The following MSR1 variants were observed in gnomAD, a reference collection of about 807,000 sequenced individuals.
MSR1 encodes macrophage scavenger receptor 1, also known as macrophage scavenger receptor types I and II.
MSR1 carries 53 observed loss-of-function variants against 47.2 expected under a neutral mutation model. The observed-to-expected ratio is 1.12, with a 90% CI of 0.90 to 1.41. The LOEUF is 1.41. Among genes scored for constraint, MSR1 ranks in the 40% most tolerant of loss-of-function variants. The probability of loss-of-function intolerance (pLI) is 0.00; values close to 1 mark genes in which losing one functional copy is unlikely to be tolerated. For missense variants in MSR1, 786 were observed against 546.9 expected (o/e 1.44, Z -4.36); for synonymous variants, 239 against 185.6 (o/e 1.29, Z -2.34).
intron 8 of MSR1, among the ~76,000 whole-genome samples, chr8:16,123,364 G>A (rs1056116468): frequency 2.0e-5 from 3 of 152,134 alleles, no homozygotes; most frequent in East Asian, 1.9e-4. Context: ...TTTTGGTGAT[G>A]TAGAAAAGTT....
rs769317482 is a variant in MSR1 at position 16,120,588 on chromosome 8, C to T, written c.1052G>A (p.Arg351Gln). 1.3e-6 allele frequency: 2 copies of T among 1,585,594 alleles called. No homozygotes were observed. The highest frequency in any genetic ancestry group is 3.1e-5 in the African/African-American group (2 of 64,974). Reference protein sequence around the residue: ...GNTLTPFTKVRLVGGSGPHEG... With the variant: ...GNTLTPFTKVQLVGGSGPHEG... ...GTGAGGGCCGCTCCCACCGACCAGT[C>T]GAACTTTCGTAAATGGAGCTGTAAA... Residue 351 changes from arginine (R) to glutamine (Q), a missense_variant, in exon 9 of 10, where the codon CGA becomes CAA. By Grantham distance (43) the Arg-to-Gln change is conservative. Transcript: ENST00000262101.
intron 5 of MSR1, 99 bp downstream of exon 5, chr8:16,163,965 AT>A: frequency 1.0e-6 from 1 of 961,590 alleles, no homozygotes; most frequent in Non-Finnish European, 1.5e-6. Flanking sequence ...CTCAGAAACT[AT>A]TTATTTCAAA....
At chr8:16,175,947 A>G (rs34116352) in intron 2 of MSR1, among the ~76,000 whole-genome samples, 7,300 of 152,258 alleles carry the variant, frequency 0.048, 516 homozygotes, top group African/African-American at 0.15. Context: ...ATTCATATGC[A>G]TTTATATGGC....
chr8:16,108,478 A>T lies in MSR1; in HGVS notation c.*1607T>A, dbSNP rs1030145381. ...CAGAGGCACTGATCTCAGACATCCC[A>T]AACAGGCTGATAATGCAAATGATTC... On this transcript the variant is annotated 3_prime_UTR_variant, in exon 10 of 10. Transcript: ENST00000262101. 4 of 152,122 alleles carry T rather than the reference A, an allele frequency of 2.6e-5. No homozygotes were observed. The highest frequency in any genetic ancestry group is 9.7e-5 in the African/African-American group (4 of 41,440). The allele number at this position is 152,122 out of a possible 1,614,324, so 9.4% of individuals were successfully genotyped here.
Position 16,109,935 on chromosome 8 carries a change from G to A in MSR1, c.*150C>T. On this transcript the variant is annotated 3_prime_UTR_variant, in exon 10 of 10. Coordinates refer to ENST00000262101, the MANE Select transcript of MSR1 (RefSeq NM_138715.3). ...ATAGACATAAAATAGTAAGCATGAAGGTGTTCAATATATTAATCCTGTAAT... is the reference window on the plus strand; with the variant it reads ...ATAGACATAAAATAGTAAGCATGAAAGTGTTCAATATATTAATCCTGTAAT... 1 of 853,898 alleles carries A rather than the reference G, an allele frequency of 1.2e-6. No individual in the cohort carries two copies. Among genetic ancestry groups the A allele is most frequent in the South Asian group, 1.6e-5 (1 of 63,550 alleles). 52.9% of individuals were successfully genotyped at this position (853,898 alleles called of 1,614,324 possible). A position where few individuals can be genotyped will look rare whatever the true frequency, so the allele number is the denominator to read the frequency against.
chr8:16,138,463 G>A (rs1338716450), intron 8 of MSR1, among the ~76,000 whole-genome samples: 1 of 152,110 alleles, frequency 6.6e-6, no homozygotes, highest in African/African-American at 2.4e-5. Context: ...ATTTGAACAG[G>A]GCATTCAGCA....
chr8:16,171,631 C>G (rs1226423240), intron 3 of MSR1, among the ~76,000 whole-genome samples: 1 of 152,076 alleles, frequency 6.6e-6, no homozygotes, highest in Non-Finnish European at 1.5e-5. Context: ...GCTTGAGTTA[C>G]TCTGGGAATA....
At chr8:16,180,315 T>A (rs1000728921) in intron 1 of MSR1, among the ~76,000 whole-genome samples, 1 of 152,128 alleles carries the variant, frequency 6.6e-6, no homozygotes, top group African/African-American at 2.4e-5. Flanking sequence ...CTGTGTCTCT[T>A]TAACATGTAT....
chr8:16,189,742 A>T (rs1802138649), intron 1 of MSR1, among the ~76,000 whole-genome samples: 1 of 115,886 alleles, frequency 8.6e-6, no homozygotes, highest in South Asian at 2.5e-4. Flanking sequence ...TATATATATA[A>T]AATCTTATTT....
chr8:16,180,221 T>G (rs1303446519), intron 1 of MSR1, among the ~76,000 whole-genome samples: 1 of 151,990 alleles, frequency 6.6e-6, no homozygotes, highest in Non-Finnish European at 1.5e-5. Context: ...CATTTTACAT[T>G]GGCAGCCATA....
chr8:16,181,730 A>G (rs1801838362), intron 1 of MSR1, among the ~76,000 whole-genome samples: 1 of 151,972 alleles, frequency 6.6e-6, no homozygotes, highest in African/African-American at 2.4e-5. Flanking sequence ...CCAAACCACC[A>G]TGGCATGTGT....
chr8:16,154,764 C>T (rs552223696), intron 6 of MSR1, among the ~76,000 whole-genome samples: 1 of 151,966 alleles, frequency 6.6e-6, no homozygotes, highest in East Asian at 1.9e-4. Flanking sequence ...CTATTATATA[C>T]ATGTCACTAT....
In MSR1 at chr8:16,168,803, T is replaced by C. The variant is rs201290061; in HGVS notation, c.285A>G (p.Gln95=). 1.2e-6 allele frequency: 2 copies of C among 1,614,082 alleles called. No individual in the cohort carries two copies. Among genetic ancestry groups the C allele is most frequent in the African/African-American group, 1.3e-5 (1 of 75,062 alleles). ...TGTCATTTCCTTTTCCCGTGAGACT[T>C]TGAGTTATATCATTTGCATTAGTTG... is the stretch of plus-strand genomic sequence containing the variant. ...VSSTNANDIT[Q]SLTGKGNDSE... The change falls in exon 4 of 10, where the codon CAA becomes CAG. Residue 95 remains glutamine (Q), a synonymous_variant. Coordinates refer to ENST00000262101, the MANE Select transcript of MSR1 (RefSeq NM_138715.3).
intron 7 of MSR1, among the ~76,000 whole-genome samples, chr8:16,148,304 CTCA>C (rs1235254840): frequency 5.3e-5 from 8 of 152,076 alleles, no homozygotes; most frequent in African/African-American, 1.9e-4. Context: ...ACAGTGACCC[CTCA>C]TCAAGTTGTG....
chr8:16,145,539 T>A (rs1389733350), intron 7 of MSR1, among the ~76,000 whole-genome samples: 3 of 152,258 alleles, frequency 2.0e-5, no homozygotes, highest in East Asian at 3.9e-4. Flanking sequence ...TCTTAGATAT[T>A]TCAGAATAGA....
At chr8:16,111,426 T>A (rs1365408093) in intron 9 of MSR1, among the ~76,000 whole-genome samples, 1 of 152,150 alleles carries the variant, frequency 6.6e-6, no homozygotes, top group East Asian at 1.9e-4. Context: ...CGGGCTACTG[T>A]GATGCTTTCG....
At chr8:16,114,914 A>C (rs187393735) in intron 9 of MSR1, among the ~76,000 whole-genome samples, 173 of 152,316 alleles carry the variant, frequency 1.1e-3, no homozygotes, top group African/African-American at 3.9e-3. Flanking sequence ...ACAGTGGCTC[A>C]TGCCTGTAAT....
At chr8:16,112,661 T>A (rs1279300624) in intron 9 of MSR1, among the ~76,000 whole-genome samples, 1 of 152,082 alleles carries the variant, frequency 6.6e-6, no homozygotes, top group East Asian at 1.9e-4. Flanking sequence ...AAAAACAAAT[T>A]TGTTTTTATT....
At chr8:16,119,611 G>T (rs940553428) in intron 9 of MSR1, among the ~76,000 whole-genome samples, 1 of 152,106 alleles carries the variant, frequency 6.6e-6, no homozygotes, top group Non-Finnish European at 1.5e-5. Flanking sequence ...AACACAATGC[G>T]TGGCATATAG....
Sources: gnomAD v4.1 joint callset for allele counts (sites outside exome capture counted in the v4.1 genomes callset) on GRCh38, gnomAD v4.1.1 for gene constraint, MANE v1.5 for transcripts, NCBI Gene and HGNC (gene_info 2026-07-23, HGNC 2026-07-21) for gene names.